The following ROBO1 variants were observed in gnomAD, a reference collection of about 807,000 sequenced individuals.
ROBO1 encodes the protein roundabout guidance receptor 1, also known as roundabout homolog 1.
In ROBO1, 149 loss-of-function variants were observed where a neutral mutation model predicts 195.9. The ratio of observed to expected loss-of-function variants is 0.76; its 90% CI spans 0.67 to 0.87. The LOEUF (loss-of-function observed/expected upper bound fraction) is 0.87. Among genes scored for constraint, ROBO1 ranks in the 40% least tolerant of loss-of-function variants. ROBO1 has a pLI of 0.00. For synonymous variants in ROBO1, 816 were observed against 733.2 expected (o/e 1.11, Z -1.82); for missense variants, 1,933 against 2,068.3 (o/e 0.93, Z 1.27).
At chr3:79,743,643 A>G (rs984340393) in intron 1 of ROBO1, among the ~76,000 whole-genome samples, 4 of 152,226 alleles carry the variant, frequency 2.6e-5, no homozygotes, top group Non-Finnish European at 5.9e-5. Context: ...TTGTAACAAC[A>G]TTTAGCTTAA....
Position 78,688,797 on chromosome 3 carries a change from C to T in ROBO1, c.1046-25G>A, listed in dbSNP as rs77350918. 9,586 of 1,594,778 alleles carry T rather than the reference C, an allele frequency of 6.0e-3. 202 individuals carry two copies. The African/African-American group carries it at 0.06, about 10-fold the overall frequency. ...TCTGAAGGAGGTGAAACAAATTACACCGAATTAAAAGCACGTTGTTATTGT... is the reference window on the plus strand; with the variant it reads ...TCTGAAGGAGGTGAAACAAATTACATCGAATTAAAAGCACGTTGTTATTGT... On this transcript the variant is annotated intron_variant, in intron 8 of 30. Coordinates refer to ENST00000464233, the MANE Select transcript of ROBO1 (RefSeq NM_002941.4).
chr3:79,548,543 T>C (rs1942358658), intron 2 of ROBO1, among the ~76,000 whole-genome samples: 2 of 152,218 alleles, frequency 1.3e-5, no homozygotes, highest in South Asian at 4.1e-4. Context: ...TATATAGTTA[T>C]GGTCACATTC....
chr3:78,720,263 CACA>C (rs1312375248), intron 5 of ROBO1, among the ~76,000 whole-genome samples: 2 of 152,160 alleles, frequency 1.3e-5, no homozygotes, highest in Non-Finnish European at 1.5e-5. Context: ...TGCAATGTCA[CACA>C]ACAAGTGGAA....
chr3:79,571,210 A>G (rs1453902469), intron 2 of ROBO1, among the ~76,000 whole-genome samples: 1 of 152,058 alleles, frequency 6.6e-6, no homozygotes, highest in Non-Finnish European at 1.5e-5. Flanking sequence ...TAAACGAGTG[A>G]CCTTCCAAAG....
At chr3:79,089,437 C>T (rs920717063) in intron 3 of ROBO1, among the ~76,000 whole-genome samples, 20 of 152,106 alleles carry the variant, frequency 1.3e-4, no homozygotes, top group Non-Finnish European at 2.5e-4. Flanking sequence ...ATTTAACTAA[C>T]TTTACACTTA....
At chr3:79,459,192 C>T (rs959084965) in intron 2 of ROBO1, among the ~76,000 whole-genome samples, 4 of 151,460 alleles carry the variant, frequency 2.6e-5, no homozygotes, top group African/African-American at 9.7e-5. Flanking sequence ...TTCAATTTTC[C>T]TCTAAAAATT....
chr3:79,081,281 G>T (rs1204459072), intron 3 of ROBO1, among the ~76,000 whole-genome samples: 1 of 151,572 alleles, frequency 6.6e-6, no homozygotes, highest in African/African-American at 2.4e-5. Flanking sequence ...TGCTGCCATT[G>T]CATTAATACG....
At chr3:79,522,160 A>G (rs1941236649) in intron 2 of ROBO1, among the ~76,000 whole-genome samples, 1 of 152,110 alleles carries the variant, frequency 6.6e-6, no homozygotes, top group African/African-American at 2.4e-5. Context: ...TTGGTATAAT[A>G]AATTCTGTAT....
At chr3:78,711,447 CCTTCCTTCCT>C in intron 8 of ROBO1, among the ~76,000 whole-genome samples, 1 of 98,274 alleles carries the variant, frequency 1.0e-5, no homozygotes. Flanking sequence ...TTCTTTCCTT[CCTTCCTTCCT>C]TCCTTCCTTT....
chr3:79,581,766 G>T (rs1014836792), intron 2 of ROBO1, among the ~76,000 whole-genome samples: 1 of 151,858 alleles, frequency 6.6e-6, no homozygotes, highest in Non-Finnish European at 1.5e-5. Context: ...TTAAGTAAAA[G>T]CTCAAGAAAC....
intron 2 of ROBO1, among the ~76,000 whole-genome samples, chr3:79,154,759 G>A (rs866879914): frequency 2.6e-5 from 4 of 151,640 alleles, no homozygotes; most frequent in Non-Finnish European, 5.9e-5. Context: ...ATCCTGTAAG[G>A]AGGCTGAATA....
At chr3:79,009,107 ATTTTTT>A (rs749520016) in intron 3 of ROBO1, among the ~76,000 whole-genome samples, 1 of 115,356 alleles carries the variant, frequency 8.7e-6, no homozygotes, top group Admixed American at 8.9e-5. Context: ...CGCCCAGCTA[ATTTTTT>A]TTTTTTTTTT....
chr3:79,346,140 T>C (rs1186934336), intron 2 of ROBO1, among the ~76,000 whole-genome samples: 3 of 152,194 alleles, frequency 2.0e-5, no homozygotes, highest in African/African-American at 7.2e-5. Context: ...GACTTTGATG[T>C]AGATTGCTCT....
chr3:79,232,802 G>T (rs115101578), intron 2 of ROBO1, among the ~76,000 whole-genome samples: 1 of 152,090 alleles, frequency 6.6e-6, no homozygotes, highest in African/African-American at 2.4e-5. Context: ...AATCTGAAAA[G>T]TTCACTTCTC....
At chr3:78,661,920 T>C in intron 15 of ROBO1, 73 bp downstream of exon 15, 1 of 1,496,656 alleles carries the variant, frequency 6.7e-7, no homozygotes, top group Non-Finnish European at 9.1e-7. Context: ...CAACAGATAG[T>C]TACATTTTAT....
intron 1 of ROBO1, among the ~76,000 whole-genome samples, chr3:79,618,322 G>A (rs1944890988): frequency 6.6e-6 from 1 of 152,140 alleles, no homozygotes; most frequent in Non-Finnish European, 1.5e-5. Flanking sequence ...TCAGGCCTCT[G>A]AGCCCACATC....
At chr3:79,348,460 C>T (rs2035216580) in intron 2 of ROBO1, among the ~76,000 whole-genome samples, 1 of 152,038 alleles carries the variant, frequency 6.6e-6, no homozygotes, top group South Asian at 2.1e-4. Flanking sequence ...AGTCTTCCTC[C>T]AAATGTTCAC....
At chr3:79,538,915 C>T (rs9821508) in intron 2 of ROBO1, among the ~76,000 whole-genome samples, 87,820 of 151,900 alleles carry the variant, frequency 0.58, 25,492 homozygotes, top group African/African-American at 0.6. Flanking sequence ...TGTTAAGATA[C>T]AATTAAACAT....
Position 78,651,983 on chromosome 3 carries a change from C to T in ROBO1, c.2615-54G>A, listed in dbSNP as rs114099243. On this transcript the variant is annotated intron_variant, in intron 18 of 30. Coordinates refer to ENST00000464233, the MANE Select transcript of ROBO1 (RefSeq NM_002941.4). The stretch of plus-strand genomic sequence containing the variant: ...GTTGAAGACTCAATGCAATAATGCA[C>T]GCACTCATTTGTGGCTGCCATTACT... 1.0e-4 allele frequency: 139 copies of T among 1,353,302 alleles called. No individual in the cohort carries two copies. The East Asian group carries it at 2.0e-3, about 20-fold the overall frequency. 83.8% of individuals were successfully genotyped at this position (1,353,302 alleles called of 1,614,324 possible).
Sources: allele counts gnomAD v4.1 joint callset (sites outside exome capture counted in the v4.1 genomes callset), GRCh38; gene constraint gnomAD v4.1.1; transcripts MANE v1.5; gene names NCBI Gene and HGNC (gene_info 2026-07-23, HGNC 2026-07-21).